PTPRS: variants seen among roughly 807,000 people sequenced by gnomAD.
PTPRS encodes the protein receptor-type tyrosine-protein phosphatase S.
Under a neutral mutation model 215.3 loss-of-function variants are expected in PTPRS, and 63 were observed. The observed-to-expected ratio is 0.29, with a 90% CI of 0.24 to 0.36. PTPRS has a LOEUF of 0.36. Ranked by LOEUF, PTPRS falls within the 10% of genes least tolerant of loss-of-function variation. The pLI is 1.00. For synonymous variants in PTPRS, 1,404 were observed against 1,191.4 expected, an observed-to-expected ratio of 1.18 and a Z score of -3.68; for missense variants, 2,258 against 2,825.8, an observed-to-expected ratio of 0.80 and a Z score of 4.56.
At chr19:5,299,644 G>A (rs778196383) in intron 1 of PTPRS, among the ~76,000 whole-genome samples, 7 of 152,158 alleles carry the variant, frequency 4.6e-5, no homozygotes, top group Admixed American at 2.6e-4. Context: ...GGCCAAGATG[G>A]GTGGATCTTC....
chr19:5,262,879 T>G, intron 6 of PTPRS, 85 bp downstream of exon 6: 13 of 1,366,964 alleles, frequency 9.5e-6, no homozygotes, highest in Non-Finnish European at 1.2e-5. Flanking sequence ...ACGGTGGCTG[T>G]TAGTTTGGTG....
intron 4 of PTPRS, among the ~76,000 whole-genome samples, chr19:5,268,031 T>C (rs1051793824): frequency 1.3e-5 from 2 of 151,946 alleles, no homozygotes; most frequent in East Asian, 1.9e-4. Context: ...TTAGCCGGGC[T>C]TGGTGACGGG....
chr19:5,229,468 C>A, intron 15 of PTPRS, 23 bp downstream of exon 15: 2 of 1,394,472 alleles, frequency 1.4e-6, no homozygotes, highest in Non-Finnish European at 9.3e-7. Context: ...CCGTCCCCGG[C>A]CCCGCCCCGG....
chr19:5,214,830 G>A (rs1471179707), intron 28 of PTPRS, 94 bp from the exon 29 acceptor site: 41 of 1,283,822 alleles, frequency 3.2e-5, no homozygotes, highest in African/African-American at 6.0e-5. Context: ...CACTCTGACC[G>A]CTCCCAGATT....
chr19:5,227,413 ATT>A (rs55762769), intron 16 of PTPRS, among the ~76,000 whole-genome samples: 16,707 of 134,936 alleles, frequency 0.12, 1,059 homozygotes, highest in Admixed American at 0.22. Flanking sequence ...AGCTGTAACA[ATT>A]TTTTTTTTTT....
chr19:5,282,971 G>C (rs1294457557), intron 2 of PTPRS, among the ~76,000 whole-genome samples: 1 of 152,202 alleles, frequency 6.6e-6, no homozygotes, highest in Non-Finnish European at 1.5e-5. Flanking sequence ...CTGTCTCTTA[G>C]ATGAAGAGAC....
In PTPRS at chr19:5,287,791, T is replaced by C. The variant is rs1478196902; in HGVS notation, c.-94-1557A>G. The stretch of plus-strand genomic sequence containing the variant: ...AGTGTACATAGTTAGGCCACAGGCA[T>C]ACAGTCAGACCAGCCACAGAGAACG... On this transcript the variant is annotated intron_variant, in intron 1 of 37. Coordinates refer to ENST00000262963, the MANE Select transcript of PTPRS (RefSeq NM_002850.4). The surrounding 1 kb of genome is among the most constrained non-coding windows in gnomAD (Gnocchi z 4.8). Among the ~76,000 whole-genome samples, 2 of 151,936 alleles carry C rather than the reference T, an allele frequency of 1.3e-5. No individual in the cohort carries two copies. Among genetic ancestry groups the C allele is most frequent in the Non-Finnish European group, 2.9e-5 (2 of 67,978 alleles).
chr19:5,256,167 G>C (rs776537647), intron 8 of PTPRS, 48 bp from the exon 9 acceptor site: 1 of 1,455,464 alleles, frequency 6.9e-7, no homozygotes, highest in Non-Finnish European at 9.4e-7. Flanking sequence ...GACATGGGAA[G>C]AAGAGAAAAA....
rs538346910 is a variant in PTPRS at position 5,239,378 on chromosome 19, GAT to G, written c.1705-317_1705-316del. On this transcript the variant is annotated intron_variant, in intron 12 of 37. Transcript: ENST00000262963. ...AGAGACAGAGGGACACAGAGACAGA[GAT>G]AGAGACAGAGGGACACAGTGACAGA... Among the ~76,000 whole-genome samples the G allele has an allele frequency of 2.0e-5, 3 of 150,982 alleles. No individual in the cohort carries two copies. The South Asian group carries it at 6.3e-4, about 32-fold the overall frequency.
intron 20 of PTPRS, 37 bp downstream of exon 20, chr19:5,220,963 G>T: frequency 6.4e-7 from 1 of 1,573,464 alleles, no homozygotes; most frequent in Non-Finnish European, 8.6e-7. Flanking sequence ...AGGCTGATGG[G>T]GGTGACAAGG....
At position 5,257,119 on chromosome 19, in the gene PTPRS, GA is replaced by G. The variant is rs1020201926; in HGVS notation, c.706+897del. ...GAGGAGGAGGAAGACTACAACTTCTGAAAAGACCCAAGAGCCAACACACGAG... is the reference window on the plus strand; with the variant it reads ...GAGGAGGAGGAAGACTACAACTTCTGAAAGACCCAAGAGCCAACACACGAG... On this transcript the variant is annotated intron_variant, in intron 8 of 37. Coordinates refer to ENST00000262963, the MANE Select transcript of PTPRS (RefSeq NM_002850.4). The surrounding 1 kb of genome is among the most constrained non-coding windows in gnomAD (Gnocchi z 4.4). Among the ~76,000 whole-genome samples the G allele has an allele frequency of 2.0e-5, 3 of 149,870 alleles. No homozygotes were observed. Among genetic ancestry groups the G allele is most frequent in the African/African-American group, 7.4e-5 (3 of 40,706 alleles).
chr19:5,210,759 T>C lies in PTPRS; in HGVS notation c.5281A>G (p.Thr1761Ala), dbSNP rs774182734. Residue 1761 changes from threonine to alanine, a missense_variant, in exon 34 of 38, where the codon ACG (threonine) becomes GCG (alanine). Around this residue, in one of 6 missense-constraint regions of PTPRS, gnomAD observed 927 missense variants for 1,125.9 expected, o/e 0.82. Coordinates refer to ENST00000262963, the MANE Select transcript of PTPRS (RefSeq NM_002850.4). This position sits in a 1 kb window ranked among gnomAD's most constrained non-coding sequence, Gnocchi z 4.5. Reference protein sequence around the residue: ...IATQGPLAETTEDFWRMLWEN... With the variant: ...IATQGPLAETAEDFWRMLWEN... ...CACAGCATGCGCCAGAAGTCTTCCG[T>C]GGTCTCCGCCAGCGGCCCCTGTGTC... 1 of 1,614,152 alleles carries C rather than the reference T, an allele frequency of 6.2e-7. No individual in the cohort carries two copies. The highest frequency in any genetic ancestry group is 8.5e-7 in the Non-Finnish European group (1 of 1,180,034).
At chr19:5,262,936 G>A (rs374902299) in intron 6 of PTPRS, 28 bp downstream of exon 6, 621 of 1,574,512 alleles carry the variant, frequency 3.9e-4, no homozygotes, top group Non-Finnish European at 5.0e-4. Flanking sequence ...GGCGTTAGTT[G>A]TTGACGTGGT....
At position 5,338,473 on chromosome 19, in the gene PTPRS, A is replaced by C. The variant is rs2050578905; in HGVS notation, c.-95+2191T>G. Among the ~76,000 whole-genome samples the C allele has an allele frequency of 6.6e-6, 1 of 152,016 alleles. No individual in the cohort carries two copies. Among genetic ancestry groups the C allele is most frequent in the Non-Finnish European group, 1.5e-5 (1 of 68,010 alleles). ...TGAAGACTCCGCCAGCCTGCCAGCC[A>C]GAAAGAGATGCCCCACGGAAGGCTT... On this transcript the variant is annotated intron_variant, in intron 1 of 37. Coordinates refer to ENST00000262963, the MANE Select transcript of PTPRS (RefSeq NM_002850.4). The surrounding 1 kb of genome is among the most constrained non-coding windows in gnomAD (Gnocchi z 4.2).
intron 25 of PTPRS, among the ~76,000 whole-genome samples, chr19:5,218,100 T>C (rs1202969575): frequency 6.6e-6 from 1 of 152,150 alleles, no homozygotes; most frequent in African/African-American, 2.4e-5. Flanking sequence ...AATAGCTCTT[T>C]CTGCCCAAAG....
Position 5,229,685 on chromosome 19 carries a change from C to T in PTPRS, c.2156-1G>A. 4.6e-6 allele frequency: 4 copies of T among 868,308 alleles called. No homozygotes were observed. Among genetic ancestry groups the T allele is most frequent in the Non-Finnish European group, 5.9e-6 (4 of 672,842 alleles). 53.8% of individuals were successfully genotyped at this position (868,308 alleles called of 1,614,324 possible). ...ACCTTCCGCGGCGGCGCGCTGGGCA[C>T]TGGCGGGCGGGAGGGGAGGGGAGGG... On this transcript the variant is annotated splice_acceptor_variant, in intron 14 of 37. Coordinates refer to ENST00000262963, the MANE Select transcript of PTPRS (RefSeq NM_002850.4). LOFTEE classifies it high-confidence loss of function.
intron 13 of PTPRS, among the ~76,000 whole-genome samples, chr19:5,235,228 C>T (rs2043344409): frequency 6.6e-6 from 1 of 152,086 alleles, no homozygotes; most frequent in Non-Finnish European, 1.5e-5. Flanking sequence ...GCATGAGCCG[C>T]CGCGCCCGGC....
chr19:5,237,906 C>G lies in PTPRS; in HGVS notation c.1849+1013G>C, dbSNP rs1356319979. ...CCCCACCCCCCCGATCCCAGCGGCT[C>G]AGATGCCCCGGCTGGAGTTGATGTT... is the stretch of plus-strand genomic sequence containing the variant. On this transcript the variant is annotated intron_variant, in intron 13 of 37. Coordinates refer to ENST00000262963, the MANE Select transcript of PTPRS (RefSeq NM_002850.4). The surrounding 1 kb of genome is among the most constrained non-coding windows in gnomAD (Gnocchi z 4.2). Among the ~76,000 whole-genome samples the G allele has an allele frequency of 6.6e-6, 1 of 152,054 alleles. No individual in the cohort carries two copies. The highest frequency in any genetic ancestry group is 1.9e-4 in the East Asian group (1 of 5,160).
At chr19:5,298,090 G>A (rs1017151323) in intron 1 of PTPRS, among the ~76,000 whole-genome samples, 6 of 152,146 alleles carry the variant, frequency 3.9e-5, no homozygotes, top group South Asian at 2.1e-4. Flanking sequence ...CACAGCGCCC[G>A]GCCTCCTTCC....
Sources: gnomAD v4.1 joint callset for allele counts (sites outside exome capture counted in the v4.1 genomes callset) on GRCh38, gnomAD v4.1.1 for gene constraint, gnomAD v4.1.1 regional missense constraint, Gnocchi (gnomAD v3.1) non-coding constraint, MANE v1.5 for transcripts, NCBI Gene and HGNC (gene_info 2026-07-23, HGNC 2026-07-21) for gene names.